MBNL1: variants seen among roughly 807,000 people sequenced by gnomAD.
MBNL1 encodes muscleblind-like protein 1.
Under a neutral mutation model 42.2 loss-of-function variants are expected in MBNL1, and 8 were observed. That is an observed-to-expected ratio of 0.19 (90% CI 0.11 to 0.34). The LOEUF (loss-of-function observed/expected upper bound fraction) is 0.34. Among genes scored for constraint, MBNL1 ranks in the 10% least tolerant of loss-of-function variants. MBNL1 has a pLI of 1.00. For synonymous variants in MBNL1, 169 were observed against 173.9 expected (o/e 0.97, Z 0.22); for missense variants, 309 against 495.3 (o/e 0.62, Z 3.57).
Position 152,462,912 on chromosome 3 carries a change from G to C in MBNL1, c.*546G>C, listed in dbSNP as rs1406458595. ...AGTAATATTTTTAATGTAATAGATT[G>C]TAAGACGTGGTGAGGGAGGGATCTG... On this transcript the variant is annotated 3_prime_UTR_variant, in exon 10 of 10. Transcript: ENST00000324210. The C allele has an allele frequency of 6.6e-6, 1 of 152,522 alleles. No homozygotes were observed. The highest frequency in any genetic ancestry group is 1.5e-5 in the Non-Finnish European group (1 of 67,986). 9.4% of individuals were successfully genotyped at this position (152,522 alleles called of 1,614,324 possible).
chr3:152,334,084 G>T (rs75474892), intron 2 of MBNL1, among the ~76,000 whole-genome samples: 24,953 of 152,156 alleles, frequency 0.16, 2,239 homozygotes, highest in East Asian at 0.26. Flanking sequence ...TCTACAGTGT[G>T]TGTTAGCTAT....
At chr3:152,331,636 G>T (rs534936466) in intron 2 of MBNL1, among the ~76,000 whole-genome samples, 11 of 151,906 alleles carry the variant, frequency 7.2e-5, no homozygotes, top group Non-Finnish European at 1.5e-4. Flanking sequence ...ACCCAGTAAG[G>T]GTTGATGAAT....
At chr3:152,454,137 A>G (rs1234128419) in intron 6 of MBNL1, among the ~76,000 whole-genome samples, 1 of 152,174 alleles carries the variant, frequency 6.6e-6, no homozygotes, top group Admixed American at 6.5e-5. Context: ...GTAGCAAATG[A>G]CAGAGATCTT....
chr3:152,374,153 A>G (rs1329139710), intron 2 of MBNL1, among the ~76,000 whole-genome samples: 2 of 152,258 alleles, frequency 1.3e-5, no homozygotes, highest in Non-Finnish European at 2.9e-5. Context: ...GAATAGGGAA[A>G]TAGCCTAGCT....
At chr3:152,349,494 A>C (rs1356955226) in intron 2 of MBNL1, among the ~76,000 whole-genome samples, 2 of 152,160 alleles carry the variant, frequency 1.3e-5, no homozygotes, top group South Asian at 2.1e-4. Flanking sequence ...TGAACAGATT[A>C]TTGAAATGCT....
intron 2 of MBNL1, among the ~76,000 whole-genome samples, chr3:152,390,222 G>C (rs181654026): frequency 1.3e-5 from 2 of 148,292 alleles, no homozygotes; most frequent in Non-Finnish European, 3.0e-5. Flanking sequence ...TTGTACATCT[G>C]TACAAAAACT....
At chr3:152,325,089 C>CCCCCCCCA (rs1553825022) in intron 2 of MBNL1, among the ~76,000 whole-genome samples, 1 of 62,162 alleles carries the variant, frequency 1.6e-5, no homozygotes, top group African/African-American at 5.6e-5. Flanking sequence ...ACATACCCGC[C>CCCCCCCCA]CCCCCCCGCC....
intron 5 of MBNL1, among the ~76,000 whole-genome samples, chr3:152,447,112 TA>T (rs2099238648): frequency 6.6e-6 from 1 of 152,226 alleles, no homozygotes; most frequent in African/African-American, 2.4e-5. Flanking sequence ...TACATTTTAA[TA>T]TTTATAGTTC....
At chr3:152,320,338 G>T (rs566465394) in intron 2 of MBNL1, among the ~76,000 whole-genome samples, 3 of 152,094 alleles carry the variant, frequency 2.0e-5, no homozygotes, top group Non-Finnish European at 2.9e-5. Flanking sequence ...AATTGCTCAG[G>T]CACTATAATG....
intron 2 of MBNL1, among the ~76,000 whole-genome samples, chr3:152,414,642 T>A (rs1289088098): frequency 6.6e-6 from 1 of 152,200 alleles, no homozygotes; most frequent in Non-Finnish European, 1.5e-5. Context: ...TATGTTTTAG[T>A]ATTACCCTAG....
chr3:152,443,458 C>T (rs1437322244), intron 4 of MBNL1, among the ~76,000 whole-genome samples: 3 of 106,074 alleles, frequency 2.8e-5, no homozygotes, highest in South Asian at 3.0e-4. Context: ...GTAGCCCTTT[C>T]GTTTATGCAG....
At chr3:152,348,049 A>T (rs62272737) in intron 2 of MBNL1, among the ~76,000 whole-genome samples, 2,266 of 152,198 alleles carry the variant, frequency 0.015, 29 homozygotes, top group Non-Finnish European at 0.022. Context: ...CTCCAGGATG[A>T]GTCATAGATT....
At chr3:152,283,825 A>G (rs949667665) in intron 1 of MBNL1, among the ~76,000 whole-genome samples, 10 of 152,104 alleles carry the variant, frequency 6.6e-5, no homozygotes, top group African/African-American at 1.7e-4. Context: ...CTGGATTTCT[A>G]CAGTTTGGAT....
chr3:152,302,915 A>G (rs577956070), intron 2 of MBNL1, among the ~76,000 whole-genome samples: 2 of 152,162 alleles, frequency 1.3e-5, no homozygotes, highest in Admixed American at 6.5e-5. Context: ...AGAGGACCCT[A>G]TGAAATGGCT....
chr3:152,386,614 T>C (rs1054541163), intron 2 of MBNL1, among the ~76,000 whole-genome samples: 1 of 152,098 alleles, frequency 6.6e-6, no homozygotes, highest in Non-Finnish European at 1.5e-5. Context: ...TAAGTTGCTG[T>C]ACAGATGATA....
intron 2 of MBNL1, among the ~76,000 whole-genome samples, chr3:152,317,487 T>C (rs948532334): frequency 1.3e-5 from 2 of 152,016 alleles, no homozygotes; most frequent in African/African-American, 4.8e-5. Context: ...GCCGGGCTAA[T>C]TTTTGTATTT....
intron 2 of MBNL1, among the ~76,000 whole-genome samples, chr3:152,332,737 T>TGCGCGCGC (rs1410406495): frequency 1.1e-4 from 12 of 104,730 alleles, no homozygotes; most frequent in African/African-American, 2.3e-4. Context: ...TGTGTGTGTG[T>TGCGCGCGC]GTGCGCGCGC....
chr3:152,384,751 A>G (rs2153431126), intron 2 of MBNL1, among the ~76,000 whole-genome samples: 1 of 152,250 alleles, frequency 6.6e-6, no homozygotes, highest in Non-Finnish European at 1.5e-5. Flanking sequence ...TTTGCAGAGA[A>G]CATTCTTGCC....
chr3:152,459,514 T>C (rs910192984), intron 9 of MBNL1, among the ~76,000 whole-genome samples, 169 bp downstream of exon 9: 3 of 152,224 alleles, frequency 2.0e-5, no homozygotes, highest in African/African-American at 7.2e-5. Context: ...ATAACAAATA[T>C]GTTAATATCA....
Sources: gnomAD v4.1 joint callset for allele counts (sites outside exome capture counted in the v4.1 genomes callset) on GRCh38, gnomAD v4.1.1 for gene constraint, MANE v1.5 for transcripts, NCBI Gene and HGNC (gene_info 2026-07-23, HGNC 2026-07-21) for gene names.